RAD51D: variants seen among roughly 807,000 people sequenced by gnomAD.
The protein encoded by RAD51D is RAD51 paralog D, also known as DNA repair protein RAD51 homolog 4.
Under a neutral mutation model 44.1 loss-of-function variants are expected in RAD51D, and 38 were observed. The observed-to-expected ratio is 0.86, with a 90% confidence interval of 0.67 to 1.13. The LOEUF (loss-of-function observed/expected upper bound fraction) is 1.13, where lower values mean the gene tolerates loss of function less well. Among genes scored for constraint, RAD51D ranks in the 50% most tolerant of loss-of-function variants. The pLI, the probability that RAD51D is intolerant of heterozygous loss-of-function variation, is 0.00. For missense variants in RAD51D, 390 were observed against 414.0 expected (o/e 0.94, Z 0.50); for synonymous variants, 141 against 166.6 (o/e 0.85, Z 1.18).
At chr17:35,112,550 G>GT (rs2091690542) in intron 3 of RAD51D, among the ~76,000 whole-genome samples, 2 of 152,018 alleles carry the variant, frequency 1.3e-5, no homozygotes, top group South Asian at 2.1e-4. Context: ...GCTAATTTTT[G>GT]TATTTCTAGT....
In RAD51D at chr17:35,103,875, C is replaced by T. The variant is rs1224382940; in HGVS notation, c.577-331G>A. On this transcript the variant is annotated intron_variant, in intron 6 of 9. Transcript: ENST00000345365. The surrounding 1 kb of genome is among the most constrained non-coding windows in gnomAD (Gnocchi z 4.1). ...GGTGGATCACTTGAGGTCAGGAGTT[C>T]GAGACCAGCCTGGCCAACATGGTGA... is the stretch of plus-strand genomic sequence containing the variant. Among the ~76,000 whole-genome samples, 5 of 152,128 alleles carry T rather than the reference C, an allele frequency of 3.3e-5. No individual in the cohort carries two copies. Among genetic ancestry groups the T allele is most frequent in the East Asian group, 3.9e-4 (2 of 5,172 alleles).
Position 35,107,072 on chromosome 17 carries a change from G to A in RAD51D, c.396C>T (p.Val132=), listed in dbSNP as rs1555568341. The change falls in exon 5 of 10, where the codon GTC becomes GTT. Residue 132 remains valine (V), a synonymous_variant. Transcript: ENST00000345365. ...ANVAHGLQQN[V]LYVDSNGGLT... ...GCCCTCCATTGGAATCTACATATAG[G>A]ACGTTTTGCTGCAGGCCATGGGCCA... 2.5e-6 allele frequency: 4 copies of A among 1,614,082 alleles called. No homozygotes were observed. Among genetic ancestry groups the A allele is most frequent in the Non-Finnish European group, 2.5e-6 (3 of 1,180,012 alleles).
In RAD51D at chr17:35,103,810, G is replaced by A. The variant is rs1051238642; in HGVS notation, c.577-266C>T. Among the ~76,000 whole-genome samples, 6 of 152,240 alleles carry A rather than the reference G, an allele frequency of 3.9e-5. No homozygotes were observed. The highest frequency in any genetic ancestry group is 1.4e-4 in the African/African-American group (6 of 41,460). ...CTACACTAAAGTGGCTGGGCGCAGT[G>A]GCTCACGCCTGTAATCCCAGCACTT... On this transcript the variant is annotated intron_variant, in intron 6 of 9. Coordinates refer to ENST00000345365, the MANE Select transcript of RAD51D (RefSeq NM_002878.4). This position sits in a 1 kb window ranked among gnomAD's most constrained non-coding sequence, Gnocchi z 4.1.
rs548111162 is a variant in RAD51D, at chr17:35,101,265, G to C, written c.839C>G (p.Thr280Ser). 10 of 1,614,164 alleles carry C rather than the reference G, an allele frequency of 6.2e-6. No individual in the cohort carries two copies. The African/African-American group carries it at 1.2e-4, about 19-fold the overall frequency. Residue 280 changes from threonine (T) to serine (S), a missense_variant, in exon 9 of 10, where the codon ACC becomes AGC. Physicochemically the swap from Thr to Ser is moderately conservative, Grantham distance 58 (BLOSUM62 1). Transcript: ENST00000345365. ...FVPSTRILLD[T>S]IEGAGASGGR... ...GCCTGATGCTCCTGCTCCCTCGATG[G>C]TGTCCAGGAGAATCCGAGTGCTGGG... is the stretch of plus-strand genomic sequence containing the variant.
chr17:35,109,996 G>A (rs989314028), intron 3 of RAD51D, among the ~76,000 whole-genome samples: 4 of 130,634 alleles, frequency 3.1e-5, no homozygotes, highest in African/African-American at 6.2e-5. Flanking sequence ...AGGGTCTCAC[G>A]TCTCACTGTG....
chr17:35,097,821 C>T lies in RAD51D; in HGVS notation c.*3132G>A, dbSNP rs912475524. ...ACTAATACAGGGAAGTTACTGTAAG[C>T]ATCTATCTAGATCACAGCTGAGGCA... On this transcript the variant is annotated 3_prime_UTR_variant, in exon 10 of 10. Transcript: ENST00000345365. The T allele has an allele frequency of 1.3e-5, 2 of 152,254 alleles. No homozygotes were observed. Among genetic ancestry groups the T allele is most frequent in the East Asian group, 3.8e-4 (2 of 5,206 alleles). The allele number at this position is 152,254 out of a possible 1,614,324, so 9.4% of individuals were successfully genotyped here. A position where few individuals can be genotyped will look rare whatever the true frequency, so the allele number is the denominator to read the frequency against.
chr17:35,100,922 T>C lies in RAD51D; in HGVS notation c.*31A>G. ...AAGAAAAGTTGGGAGGGGTCCCCAATGCTTCCCTGTTTCCCAAACAACAGC... is the reference window on the plus strand; with the variant it reads ...AAGAAAAGTTGGGAGGGGTCCCCAACGCTTCCCTGTTTCCCAAACAACAGC... On this transcript the variant is annotated 3_prime_UTR_variant, in exon 10 of 10. Transcript: ENST00000345365. 6.3e-7 allele frequency: 1 copy of C among 1,588,846 alleles called. No individual in the cohort carries two copies.
chr17:35,100,277 T>C lies in RAD51D; in HGVS notation c.*676A>G. Reference sequence around the variant, plus strand: ...CTAGTCATGGTGATGCAGGCAGGTCTGAAACCAAATCAGCAAGAGGAAAGG... The same window carrying C: ...CTAGTCATGGTGATGCAGGCAGGTCCGAAACCAAATCAGCAAGAGGAAAGG... On this transcript the variant is annotated 3_prime_UTR_variant, in exon 10 of 10. Transcript: ENST00000345365. 1.9e-6 allele frequency: 1 copy of C among 533,886 alleles called. No homozygotes were observed. The highest frequency in any genetic ancestry group is 3.6e-6 in the Non-Finnish European group (1 of 276,054). The allele number at this position is 533,886 out of a possible 1,614,324, so 33.1% of individuals were successfully genotyped here.
Position 35,093,112 on chromosome 17 carries a change from C to T in RAD51D, c.*7841G>A, listed in dbSNP as rs1236091391. On this transcript the variant is annotated 3_prime_UTR_variant, in exon 10 of 10. Transcript: ENST00000345365. Reference sequence around the variant, plus strand: ...AGAAGAAAGCTGTCATCAGTATCCCCCATGCATCATAAGCTTATTCATAAT... The same window carrying T: ...AGAAGAAAGCTGTCATCAGTATCCCTCATGCATCATAAGCTTATTCATAAT... 1 of 152,190 alleles carries T rather than the reference C, an allele frequency of 6.6e-6. No homozygotes were observed. Among genetic ancestry groups the T allele is most frequent in the Admixed American group, 6.5e-5 (1 of 15,270 alleles). The allele number at this position is 152,190 out of a possible 1,614,324, so 9.4% of individuals were successfully genotyped here. A position where few individuals can be genotyped will look rare whatever the true frequency, so the allele number is the denominator to read the frequency against.
intron 3 of RAD51D, among the ~76,000 whole-genome samples, chr17:35,113,308 C>T (rs997459616): frequency 6.6e-6 from 1 of 152,030 alleles, no homozygotes; most frequent in Non-Finnish European, 1.5e-5. Context: ...CTCGCTCTGT[C>T]ACCAGGCTGG....
intron 3 of RAD51D, among the ~76,000 whole-genome samples, chr17:35,114,550 C>A (rs1349911608): frequency 6.6e-6 from 1 of 151,800 alleles, no homozygotes; most frequent in Non-Finnish European, 1.5e-5. Flanking sequence ...ATTAGCCAGG[C>A]ATGGTGGTGA....
intron 3 of RAD51D, among the ~76,000 whole-genome samples, chr17:35,112,915 A>T (rs769672301): frequency 6.6e-6 from 1 of 152,206 alleles, no homozygotes; most frequent in Non-Finnish European, 1.5e-5. Flanking sequence ...CACAGGAGGC[A>T]CCCAATAATC....
At chr17:35,115,829 C>T (rs1374441923) in intron 3 of RAD51D, among the ~76,000 whole-genome samples, 1 of 150,192 alleles carries the variant, frequency 6.7e-6, no homozygotes, top group African/African-American at 2.5e-5. Context: ...GAGATCACGC[C>T]ACTGCACTCC....
rs2091559150 is a variant in RAD51D, at chr17:35,103,218, A to G, written c.738+36T>C. 6.4e-7 allele frequency: 1 copy of G among 1,573,546 alleles called. No homozygotes were observed. Among genetic ancestry groups the G allele is most frequent in the Non-Finnish European group, 8.7e-7 (1 of 1,155,846 alleles). ...GGGAAATAAAGAGCTCGCAATAACT[A>G]GAAATCAAGTTCATTGGCCAAGCCT... On this transcript the variant is annotated intron_variant, in intron 8 of 9. Coordinates refer to ENST00000345365, the MANE Select transcript of RAD51D (RefSeq NM_002878.4). This position sits in a 1 kb window ranked among gnomAD's most constrained non-coding sequence, Gnocchi z 4.1.
rs754131532 is a variant in RAD51D, at chr17:35,118,636, G to A, written c.145-17C>T. ...AACCAGGGCCTGCCAAAGGGCCCCA[G>A]ACTGCTCAGCAACAAATTGCCCGTA... On this transcript the variant is annotated splice_polypyrimidine_tract_variant and intron_variant, in intron 2 of 9. Transcript: ENST00000345365. 6.2e-7 allele frequency: 1 copy of A among 1,601,240 alleles called. No individual in the cohort carries two copies. The highest frequency in any genetic ancestry group is 8.6e-7 in the Non-Finnish European group (1 of 1,168,400).
chr17:35,109,825 G>A (rs182503829), intron 3 of RAD51D, among the ~76,000 whole-genome samples: 50 of 152,002 alleles, frequency 3.3e-4, no homozygotes, highest in South Asian at 8.3e-4. Flanking sequence ...GCACCACCAC[G>A]CCTGGCTAAT....
chr17:35,117,186 C>A (rs1247730731), intron 3 of RAD51D: 4 of 850,418 alleles, frequency 4.7e-6, no homozygotes, highest in Non-Finnish European at 7.3e-6. Flanking sequence ...AGGGCAGGGG[C>A]CTTGCCTCAT....
At chr17:35,106,269 T>C (rs770392667) in intron 6 of RAD51D, 117 bp downstream of exon 6, 6 of 846,516 alleles carry the variant, frequency 7.1e-6, no homozygotes, top group South Asian at 6.6e-5. Context: ...GCAAGCATAG[T>C]TGGAGTCACC....
intron 3 of RAD51D, among the ~76,000 whole-genome samples, chr17:35,115,896 AAAGG>A (rs201705308): frequency 0.028 from 2,407 of 84,544 alleles, 121 homozygotes; most frequent in Middle Eastern, 0.045. Context: ...GGAAAGAAGG[AAAGG>A]AAGGAAGGAA....
Sources: gnomAD v4.1 joint callset for allele counts (sites outside exome capture counted in the v4.1 genomes callset) on GRCh38, gnomAD v4.1.1 for gene constraint, Gnocchi (gnomAD v3.1) non-coding constraint, MANE v1.5 for transcripts, NCBI Gene and HGNC (gene_info 2026-07-23, HGNC 2026-07-21) for gene names.